The following TTC17 variants were observed in gnomAD, a reference collection of about 807,000 sequenced individuals.
TTC17 encodes the protein tetratricopeptide repeat protein 17.
A neutral mutation model predicts 143.8 loss-of-function variants in TTC17; 58 were observed. The observed-to-expected ratio is 0.40, with a 90% confidence interval of 0.33 to 0.50. The LOEUF (loss-of-function observed/expected upper bound fraction) is 0.50, where lower values mean the gene tolerates loss of function less well. TTC17 is among the 20% of genes least tolerant of loss of function. The pLI, the probability that TTC17 is intolerant of heterozygous loss-of-function variation, is 0.49. For missense variants in TTC17, 1,273 were observed against 1,392.5 expected (o/e 0.91, Z 1.37); for synonymous variants, 501 against 497.8 (o/e 1.01, Z -0.09).
intron 16 of TTC17, among the ~76,000 whole-genome samples, chr11:43,433,984 G>A (rs1320058141): frequency 6.6e-6 from 1 of 152,238 alleles, no homozygotes; most frequent in East Asian, 1.9e-4. Context: ...GTTGGTTGAT[G>A]TCATTATTCT....
At chr11:43,435,035 T>C (rs1565164409) in intron 16 of TTC17, 1 of 151,934 alleles carries the variant, frequency 6.6e-6, no homozygotes, top group Non-Finnish European at 1.5e-5. Flanking sequence ...TCCACTCATG[T>C]GGAGAGAGCT....
intron 21 of TTC17, chr11:43,468,271 AATCATT>A (rs1305313035): frequency 6.6e-6 from 1 of 152,214 alleles, no homozygotes. Flanking sequence ...CAAATAAAGT[AATCATT>A]ATGTATGTTA....
intron 21 of TTC17, among the ~76,000 whole-genome samples, chr11:43,487,458 A>G (rs1489441514): frequency 6.6e-6 from 1 of 152,178 alleles, no homozygotes; most frequent in Non-Finnish European, 1.5e-5. Context: ...AGATCATTTT[A>G]TTTAAAATCC....
chr11:43,485,296 G>C (rs979654739), intron 21 of TTC17, among the ~76,000 whole-genome samples: 24 of 152,096 alleles, frequency 1.6e-4, no homozygotes, highest in Non-Finnish European at 2.8e-4. Flanking sequence ...TTCAGGAACT[G>C]TACTGGGGCA....
At chr11:43,487,396 T>C (rs1398600577) in intron 21 of TTC17, among the ~76,000 whole-genome samples, 2 of 152,166 alleles carry the variant, frequency 1.3e-5, no homozygotes, top group African/African-American at 4.8e-5. Context: ...TCTGCCTTCT[T>C]TGGCCTCCCA....
intron 20 of TTC17, 106 bp downstream of exon 20, chr11:43,450,347 G>A (rs1947633771): frequency 1.5e-6 from 2 of 1,333,300 alleles, no homozygotes; most frequent in Non-Finnish European, 2.0e-6. Context: ...AAAAAATAGG[G>A]GCTTTTTTCA....
At chr11:43,430,442 A>G (rs1947126770) in intron 16 of TTC17, among the ~76,000 whole-genome samples, 1 of 152,108 alleles carries the variant, frequency 6.6e-6, no homozygotes, top group Admixed American at 6.5e-5. Context: ...AACAAAAAAA[A>G]CTAGAGGGAG....
intron 16 of TTC17, among the ~76,000 whole-genome samples, chr11:43,423,301 A>G (rs1368271982): frequency 6.6e-6 from 1 of 152,160 alleles, no homozygotes. Flanking sequence ...AAGAATGGGA[A>G]TACAGAGGAG....
At chr11:43,460,290 T>G (rs1947841224) in intron 21 of TTC17, among the ~76,000 whole-genome samples, 1 of 152,180 alleles carries the variant, frequency 6.6e-6, no homozygotes, top group Non-Finnish European at 1.5e-5. Context: ...GAAAAATTGC[T>G]TATCACTTTC....
In TTC17 at chr11:43,493,891, G is replaced by A. The variant is rs143797065; in HGVS notation, c.3413G>A (p.Arg1138Gln). The A allele has an allele frequency of 2.0e-5, 32 of 1,610,472 alleles. No individual in the cohort carries two copies. The highest frequency in any genetic ancestry group is 1.9e-4 in the South Asian group (17 of 90,854). Residue 1138 changes from arginine (R) to glutamine (Q), a missense_variant, in exon 24 of 24, where the codon CGG becomes CAG. Around this residue, in one of 3 missense-constraint regions of TTC17, gnomAD observed 878 missense variants for 899.8 expected, o/e 0.98. Coordinates refer to ENST00000039989, the MANE Select transcript of TTC17 (RefSeq NM_018259.6). ...IQCHLMLKKG[R>Q]RSP The stretch of plus-strand genomic sequence containing the variant: ...TGTCACTTAATGCTGAAGAAGGGAC[G>A]GCGCTCTCCTTAGTGCACTTCTTCC...
At chr11:43,474,301 A>G (rs535954153) in intron 21 of TTC17, among the ~76,000 whole-genome samples, 2 of 152,320 alleles carry the variant, frequency 1.3e-5, no homozygotes, top group Non-Finnish European at 2.9e-5. Flanking sequence ...TTAGGATACT[A>G]TTTATCTTTT....
At chr11:43,362,916 C>T (rs1856176170) in intron 1 of TTC17, among the ~76,000 whole-genome samples, 2 of 152,174 alleles carry the variant, frequency 1.3e-5, no homozygotes, top group South Asian at 4.1e-4. Flanking sequence ...GTTCCTTTTC[C>T]ACTGGTGTCA....
chr11:43,479,889 G>A (rs936089398), intron 21 of TTC17, among the ~76,000 whole-genome samples: 7 of 152,190 alleles, frequency 4.6e-5, no homozygotes, highest in African/African-American at 7.2e-5. Context: ...GAGAGGGACA[G>A]CCTTGTGGCA....
intron 21 of TTC17, among the ~76,000 whole-genome samples, chr11:43,461,976 TA>T (rs1458119803): frequency 6.7e-6 from 1 of 150,238 alleles, no homozygotes. Context: ...CAAGGGAAGA[TA>T]AAGGTACATA....
At chr11:43,451,058 C>A in intron 20 of TTC17, 124 bp from the exon 21 acceptor site, 3 of 814,864 alleles carry the variant, frequency 3.7e-6, no homozygotes, top group Non-Finnish European at 5.8e-6. Flanking sequence ...ACCAATAGGA[C>A]CACAGCATGT....
chr11:43,397,837 G>C, intron 7 of TTC17, 137 bp from the exon 8 acceptor site: 10 of 1,247,620 alleles, frequency 8.0e-6, no homozygotes, highest in Non-Finnish European at 9.9e-6. Context: ...AGGTAGGTGT[G>C]ATCTCATAAA....
intron 19 of TTC17, chr11:43,448,893 T>A (rs2134748356): frequency 6.6e-6 from 1 of 152,326 alleles, no homozygotes; most frequent in Non-Finnish European, 1.5e-5. Context: ...CAGTAATGCT[T>A]AGGCCAAAAA....
intron 13 of TTC17, 74 bp downstream of exon 13, chr11:43,406,025 A>T (rs1198829437): frequency 2.2e-5 from 32 of 1,480,652 alleles, no homozygotes; most frequent in Non-Finnish European, 2.7e-5. Context: ...ATGGAACAAA[A>T]AATTGATAGA....
intron 16 of TTC17, chr11:43,436,237 T>C: frequency 6.7e-7 from 1 of 1,486,750 alleles, no homozygotes; most frequent in Non-Finnish European, 8.9e-7. Context: ...AGTCACTGGA[T>C]GCTGCTGAAG....
Sources: allele counts gnomAD v4.1 joint callset (sites outside exome capture counted in the v4.1 genomes callset), GRCh38; gene constraint gnomAD v4.1.1; regional missense constraint gnomAD v4.1.1; transcripts MANE v1.5; gene names NCBI Gene and HGNC (gene_info 2026-07-23, HGNC 2026-07-21).